GABRA1: variants seen among roughly 807,000 people sequenced by gnomAD.
The protein encoded by GABRA1 is gamma-aminobutyric acid receptor subunit alpha-1.
Under a neutral mutation model 48.9 loss-of-function variants are expected in GABRA1, and 9 were observed. The observed-to-expected ratio is 0.18, with a 90% CI of 0.11 to 0.32. The LOEUF (loss-of-function observed/expected upper bound fraction) is 0.32, where lower values mean the gene tolerates loss of function less well. GABRA1 is among the 10% of genes least tolerant of loss of function. The pLI, the probability that GABRA1 is intolerant of heterozygous loss-of-function variation, is 1.00. For synonymous variants in GABRA1, 210 were observed against 198.7 expected (o/e 1.06, Z -0.48); for missense variants, 285 against 553.8 (o/e 0.51, Z 4.87).
At chr5:161,879,657 T>C (rs139975733) in intron 6 of GABRA1, among the ~76,000 whole-genome samples, 1 of 152,140 alleles carries the variant, frequency 6.6e-6, no homozygotes, top group Non-Finnish European at 1.5e-5. Context: ...AAATACTAAC[T>C]TGCATCAGGT....
intron 1 of GABRA1, chr5:161,850,554 C>A (rs190520483): frequency 1.4e-5 from 8 of 582,350 alleles, no homozygotes; most frequent in Non-Finnish European, 2.4e-5. Flanking sequence ...CACCTGAAAG[C>A]GTTTCAGCTT....
intron 1 of GABRA1, chr5:161,850,467 G>A (rs1019607237): frequency 7.4e-5 from 35 of 474,970 alleles, no homozygotes; most frequent in Admixed American, 6.8e-4. Flanking sequence ...ACAACAAGAA[G>A]AGAATAAACC....
In GABRA1 at chr5:161,882,534, TCATTTTCTA is replaced by T. The variant is rs1754660551; in HGVS notation, c.560-22_560-14del. On this transcript the variant is annotated splice_polypyrimidine_tract_variant and intron_variant, in intron 6 of 9. Transcript: ENST00000393943. ...GAATTGAAGTGGTAAAATATATGGA[TCATTTTCTA>T]CTGTTTCCTTTTAGATGCTTATACA... 6.2e-7 allele frequency: 1 copy of T among 1,608,712 alleles called. No homozygotes were observed. The highest frequency in any genetic ancestry group is 2.2e-5 in the East Asian group (1 of 44,794).
chr5:161,889,652 T>G (rs543153751), intron 7 of GABRA1, among the ~76,000 whole-genome samples: 1 of 152,200 alleles, frequency 6.6e-6, no homozygotes, highest in African/African-American at 2.4e-5. Flanking sequence ...AACTATGCTA[T>G]GCATACTCTT....
intron 1 of GABRA1, among the ~76,000 whole-genome samples, chr5:161,849,205 G>T (rs907345881): frequency 6.6e-6 from 1 of 151,954 alleles, no homozygotes; most frequent in Non-Finnish European, 1.5e-5. Context: ...GTCAGAAGAG[G>T]GCAAAAATCT....
intron 4 of GABRA1, among the ~76,000 whole-genome samples, chr5:161,870,649 G>T (rs943011970): frequency 6.6e-6 from 1 of 150,984 alleles, no homozygotes; most frequent in Non-Finnish European, 1.5e-5. Context: ...AAGAAAGAAA[G>T]AAAAAGAAAG....
rs1480003835 is a variant in GABRA1 at position 161,897,223 on chromosome 5, A to G, written c.1172A>G (p.Lys391Arg). The change falls in exon 10 of 10, where the codon AAA (lysine) becomes AGA (arginine). Residue 391 changes from lysine to arginine, a missense_variant. Transcript: ENST00000393943. ...GACCCGGGCTTAGCCACCATTGCTA[A>G]AAGTGCAACCATAGAACCTAAAGAG... is the stretch of plus-strand genomic sequence containing the variant. ...RGDPGLATIA[K>R]SATIEPKEVK... is the part of the protein sequence containing the mutation. The G allele has an allele frequency of 1.9e-6, 3 of 1,614,212 alleles. No homozygotes were observed. Among genetic ancestry groups the G allele is most frequent in the Non-Finnish European group, 2.5e-6 (3 of 1,180,018 alleles).
chr5:161,878,145 T>C (rs1754445559), intron 6 of GABRA1, among the ~76,000 whole-genome samples: 1 of 152,146 alleles, frequency 6.6e-6, no homozygotes. Flanking sequence ...ATTTATTGAA[T>C]GGATAAAGGT....
intron 3 of GABRA1, among the ~76,000 whole-genome samples, chr5:161,865,297 C>T (rs547941635): frequency 9.2e-5 from 14 of 152,184 alleles, no homozygotes; most frequent in South Asian, 2.1e-4. Flanking sequence ...GAGTTAATAA[C>T]GCTTGCTAAA....
intron 6 of GABRA1, among the ~76,000 whole-genome samples, chr5:161,880,983 C>T (rs1754590146): frequency 6.6e-6 from 1 of 152,012 alleles, no homozygotes; most frequent in South Asian, 2.1e-4. Context: ...GGCCATTCCT[C>T]CAAGAAGAAA....
rs763403354 is a variant in GABRA1, at chr5:161,865,732, G to A, written c.199G>A (p.Glu67Lys). 1.1e-5 allele frequency: 17 copies of A among 1,612,896 alleles called. No homozygotes were observed. The highest frequency in any genetic ancestry group is 2.2e-5 in the South Asian group (2 of 91,076). The change falls in exon 4 of 10, where the codon GAA becomes AAA. Residue 67 changes from glutamate (E) to lysine (K), a missense_variant. Around this residue, in one of 6 missense-constraint regions of GABRA1, gnomAD observed 105 missense variants for 267.4 expected, o/e 0.39. Coordinates refer to ENST00000393943, the MANE Select transcript of GABRA1 (RefSeq NM_001127644.2). ...TCCTGCTTCAACAGAGCGTGTAACC[G>A]AAGTGAAGACTGATATCTTCGTCAC... The part of the protein sequence containing the change: ...LRPGLGERVT[E>K]VKTDIFVTSF...
At chr5:161,887,769 T>C (rs761085051) in intron 7 of GABRA1, among the ~76,000 whole-genome samples, 9 of 152,134 alleles carry the variant, frequency 5.9e-5, no homozygotes, top group Non-Finnish European at 1.3e-4. Context: ...AGAATGCATG[T>C]CTGTGTTTTT....
Position 161,848,947 on chromosome 5 carries a change from A to G in GABRA1, c.-16+525A>G, listed in dbSNP as rs563178771. Reference sequence around the variant, plus strand: ...TTGCCTGTTTTTCCCTTTCCAGTGGACGCTGGTGAAATGCCCTCTTGTGTA... The same window carrying G: ...TTGCCTGTTTTTCCCTTTCCAGTGGGCGCTGGTGAAATGCCCTCTTGTGTA... On this transcript the variant is annotated intron_variant, in intron 1 of 9. Coordinates refer to ENST00000393943, the MANE Select transcript of GABRA1 (RefSeq NM_001127644.2). 425 of 454,930 alleles carry G rather than the reference A, an allele frequency of 9.3e-4. 2 individuals carry two copies. Among genetic ancestry groups the G allele is most frequent in the South Asian group, 1.9e-3 (121 of 64,520 alleles). The allele number at this position is 454,930 out of a possible 1,614,324, so 28.2% of individuals were successfully genotyped here.
rs1757287156 is a variant in GABRA1, at chr5:161,848,306, G to C, written c.-132G>C. On this transcript the variant is annotated 5_prime_UTR_variant, in exon 1 of 10. Coordinates refer to ENST00000393943, the MANE Select transcript of GABRA1 (RefSeq NM_001127644.2). ...AGAGGCAGAGCGAGGACGCCCCTCT[G>C]CTCTGGCGCGCCCGGACTCGGACTC... 6.6e-6 allele frequency: 1 copy of C among 152,404 alleles called. No homozygotes were observed. The highest frequency in any genetic ancestry group is 2.1e-4 in the South Asian group (1 of 4,838). 9.4% of individuals were successfully genotyped at this position (152,404 alleles called of 1,614,324 possible).
intron 6 of GABRA1, among the ~76,000 whole-genome samples, chr5:161,879,294 T>G: frequency 6.6e-6 from 1 of 152,210 alleles, no homozygotes; most frequent in East Asian, 1.9e-4. Flanking sequence ...TAAATTTTTG[T>G]AGAGACAGAA....
At chr5:161,889,634 C>T (rs572539387) in intron 7 of GABRA1, among the ~76,000 whole-genome samples, 73 of 152,136 alleles carry the variant, frequency 4.8e-4, no homozygotes, top group African/African-American at 1.7e-3. Flanking sequence ...GAATTCAGTG[C>T]ATATTAGAAC....
At chr5:161,873,609 T>C (rs1451911895) in intron 5 of GABRA1, among the ~76,000 whole-genome samples, 1 of 152,182 alleles carries the variant, frequency 6.6e-6, no homozygotes, top group Admixed American at 6.6e-5. Context: ...CTCTCCCTAC[T>C]ATAAAACTCA....
At chr5:161,856,892 G>C (rs1030467517) in intron 3 of GABRA1, among the ~76,000 whole-genome samples, 1 of 151,098 alleles carries the variant, frequency 6.6e-6, no homozygotes, top group Non-Finnish European at 1.5e-5. Flanking sequence ...TACCATGATA[G>C]CTGGCTGCTA....
chr5:161,882,774 T>C (rs1309894484), intron 7 of GABRA1, 73 bp downstream of exon 7: 1 of 1,402,098 alleles, frequency 7.1e-7, no homozygotes, highest in Non-Finnish European at 1.0e-6. Context: ...CAATGAATCA[T>C]TCAGTAACAC....
Sources: allele counts gnomAD v4.1 joint callset (sites outside exome capture counted in the v4.1 genomes callset), GRCh38; gene constraint gnomAD v4.1.1; regional missense constraint gnomAD v4.1.1; transcripts MANE v1.5; gene names NCBI Gene and HGNC (gene_info 2026-07-23, HGNC 2026-07-21).